The following PTPRD variants were observed in gnomAD, a reference collection of about 807,000 sequenced individuals.
PTPRD encodes protein tyrosine phosphatase receptor type D.
A neutral mutation model predicts 214.5 loss-of-function variants in PTPRD; 34 were observed. That is an observed-to-expected ratio of 0.16 (90% CI 0.12 to 0.21). PTPRD has a LOEUF of 0.21. PTPRD is among the 10% of genes least tolerant of loss of function. The probability of loss-of-function intolerance (pLI) is 1.00; values close to 1 mark genes in which losing one functional copy is unlikely to be tolerated. For missense variants in PTPRD, 2,545 were observed against 2,398.7 expected, an observed-to-expected ratio of 1.06 and a Z score of -1.27; for synonymous variants, 1,128 against 845.7, an observed-to-expected ratio of 1.33 and a Z score of -5.79.
chr9:10,516,946 T>C (rs1048407444), intron 2 of PTPRD, among the ~76,000 whole-genome samples: 5 of 151,940 alleles, frequency 3.3e-5, no homozygotes, highest in African/African-American at 1.2e-4. Context: ...GTCTTTATGT[T>C]TGTACCATAC....
At chr9:10,596,816 T>C (rs931215229) in intron 2 of PTPRD, among the ~76,000 whole-genome samples, 2 of 151,660 alleles carry the variant, frequency 1.3e-5, no homozygotes, top group African/African-American at 4.8e-5. Context: ...GTTAATAATA[T>C]CTGCTTTTAA....
chr9:10,098,470 G>A (rs1220602998), intron 3 of PTPRD, among the ~76,000 whole-genome samples: 1 of 151,338 alleles, frequency 6.6e-6, no homozygotes, highest in Non-Finnish European at 1.5e-5. Flanking sequence ...TTGTGCACAT[G>A]TACCCTAAAA....
At chr9:9,844,037 G>C (rs550708827) in intron 5 of PTPRD, among the ~76,000 whole-genome samples, 3 of 151,956 alleles carry the variant, frequency 2.0e-5, no homozygotes, top group African/African-American at 7.2e-5. Context: ...AGTGCCATAG[G>C]CTTCATTTCA....
At chr9:10,286,137 G>A (rs944360898) in intron 3 of PTPRD, among the ~76,000 whole-genome samples, 1 of 152,042 alleles carries the variant, frequency 6.6e-6, no homozygotes, top group Non-Finnish European at 1.5e-5. Context: ...TTCAATTCTA[G>A]ACTTGTCCTT....
At chr9:10,075,422 C>A (rs568325384) in intron 3 of PTPRD, among the ~76,000 whole-genome samples, 2 of 151,966 alleles carry the variant, frequency 1.3e-5, no homozygotes, top group African/African-American at 4.8e-5. Flanking sequence ...CATTCATTTT[C>A]CACAGTATTT....
intron 8 of PTPRD, among the ~76,000 whole-genome samples, chr9:9,465,382 A>G (rs2094050353): frequency 6.6e-6 from 1 of 152,202 alleles, no homozygotes. Flanking sequence ...CATAAACAAG[A>G]TGGTATTTTA....
At chr9:9,885,943 G>T (rs1293821336) in intron 5 of PTPRD, among the ~76,000 whole-genome samples, 2 of 151,338 alleles carry the variant, frequency 1.3e-5, no homozygotes, top group Non-Finnish European at 2.9e-5. Flanking sequence ...TTTGTCTAAT[G>T]TAGTGGATTA....
chr9:10,211,490 A>C (rs2099516733), intron 3 of PTPRD, among the ~76,000 whole-genome samples: 1 of 152,208 alleles, frequency 6.6e-6, no homozygotes, highest in South Asian at 2.1e-4. Flanking sequence ...TAACATGATC[A>C]CATCAGCATG....
intron 39 of PTPRD, among the ~76,000 whole-genome samples, chr9:8,360,682 T>C (rs2078250715): frequency 6.6e-6 from 1 of 152,220 alleles, no homozygotes; most frequent in Non-Finnish European, 1.5e-5. Context: ...ATGTTGCTAA[T>C]TGATTAGCCA....
intron 10 of PTPRD, among the ~76,000 whole-genome samples, chr9:9,061,320 T>C (rs1035598355): frequency 2.6e-5 from 4 of 152,228 alleles, no homozygotes; most frequent in African/African-American, 9.6e-5. Flanking sequence ...TACAATACAT[T>C]TGTAACGCAA....
chr9:10,006,747 C>CTA (rs1265740273), intron 4 of PTPRD, among the ~76,000 whole-genome samples: 9 of 151,828 alleles, frequency 5.9e-5, no homozygotes, highest in Non-Finnish European at 1.2e-4. Flanking sequence ...TTGCTCCAGC[C>CTA]TATCAATGAA....
chr9:8,660,132 A>C (rs1228554529), intron 12 of PTPRD, among the ~76,000 whole-genome samples: 3 of 152,288 alleles, frequency 2.0e-5, no homozygotes, highest in Middle Eastern at 3.4e-3. Context: ...AAACATACCC[A>C]CCTCAGTTTC....
chr9:8,813,265 G>A (rs939092976), intron 11 of PTPRD, among the ~76,000 whole-genome samples: 1 of 146,368 alleles, frequency 6.8e-6, no homozygotes, highest in East Asian at 2.1e-4. Flanking sequence ...GAGGAAGGGC[G>A]GGGGGGCAGA....
At chr9:9,098,181 C>A (rs7039965) in intron 10 of PTPRD, among the ~76,000 whole-genome samples, 21,134 of 152,018 alleles carry the variant, frequency 0.14, 1,707 homozygotes, top group East Asian at 0.23. Flanking sequence ...CAAAAATTGC[C>A]TTTCTTTCTT....
Position 10,506,073 on chromosome 9 carries a change from G to A in PTPRD, c.-600+106325C>T, listed in dbSNP as rs569048561. On this transcript the variant is annotated intron_variant, in intron 2 of 45. Transcript: ENST00000381196. ...TATTTAAAAGACAAATAGATGGTAT[G>A]AAGGTTATTGATTGCAAGTGGCAAT... Among the ~76,000 whole-genome samples the A allele has an allele frequency of 5.3e-5, 8 of 152,192 alleles. No individual in the cohort carries two copies. In the South Asian group the frequency reaches 1.7e-3, roughly 32 times the overall value.
chr9:8,808,671 C>T (rs2096737986), intron 11 of PTPRD, among the ~76,000 whole-genome samples: 1 of 151,856 alleles, frequency 6.6e-6, no homozygotes, highest in African/African-American at 2.4e-5. Context: ...ATCTTTTTGA[C>T]CTTGTAAATT....
At chr9:10,135,030 C>A (rs539441751) in intron 3 of PTPRD, among the ~76,000 whole-genome samples, 1 of 152,028 alleles carries the variant, frequency 6.6e-6, no homozygotes, top group African/African-American at 2.4e-5. Context: ...TTAAAAGAAC[C>A]AAATTGAACT....
chr9:9,461,646 G>C (rs959364946), intron 8 of PTPRD, among the ~76,000 whole-genome samples: 7 of 152,114 alleles, frequency 4.6e-5, no homozygotes, highest in African/African-American at 1.7e-4. Flanking sequence ...CCCTCAAAAG[G>C]TCTACAAAAT....
At chr9:9,813,654 G>T (rs1272489233) in intron 5 of PTPRD, among the ~76,000 whole-genome samples, 1 of 151,972 alleles carries the variant, frequency 6.6e-6, no homozygotes, top group East Asian at 1.9e-4. Flanking sequence ...AAAAGTCTGG[G>T]GCAAAACGTC....
Sources: gnomAD v4.1 joint callset for allele counts (sites outside exome capture counted in the v4.1 genomes callset) on GRCh38, gnomAD v4.1.1 for gene constraint, MANE v1.5 for transcripts, NCBI Gene and HGNC (gene_info 2026-07-23, HGNC 2026-07-21) for gene names.